Variants in CNBD1 observed in about 807,000 individuals in gnomAD.
CNBD1 encodes the protein cyclic nucleotide-binding domain-containing protein 1.
Under a neutral mutation model 54.4 loss-of-function variants are expected in CNBD1, and 71 were observed. That is an observed-to-expected ratio of 1.30 (90% confidence interval 1.08 to 1.59). The LOEUF (loss-of-function observed/expected upper bound fraction) is 1.59. CNBD1 is among the 40% of genes most tolerant of loss of function. The pLI, the probability that CNBD1 is intolerant of heterozygous loss-of-function variation, is 0.00. For missense variants in CNBD1, 659 were observed against 518.0 expected (o/e 1.27, Z -2.64); for synonymous variants, 182 against 170.7 (o/e 1.07, Z -0.51).
At chr8:87,256,011 A>C (rs1398706134) in intron 6 of CNBD1, among the ~76,000 whole-genome samples, 1 of 19,258 alleles carries the variant, frequency 5.2e-5, no homozygotes, top group Non-Finnish European at 8.0e-5. Flanking sequence ...ATATATATAT[A>C]TATATTTTTT....
intron 2 of CNBD1, 84 bp from the exon 3 acceptor site, chr8:86,904,997 T>C: frequency 1.6e-6 from 1 of 640,482 alleles, no homozygotes. Flanking sequence ...ATAGAATTGA[T>C]ACGTATATAT....
intron 4 of CNBD1, among the ~76,000 whole-genome samples, chr8:87,042,908 A>G (rs1016533022): frequency 6.6e-6 from 1 of 152,200 alleles, no homozygotes; most frequent in Admixed American, 6.5e-5. Context: ...TATAATGCAC[A>G]TAAATACACT....
intron 4 of CNBD1, among the ~76,000 whole-genome samples, chr8:87,141,774 A>C (rs1812374982): frequency 6.6e-6 from 1 of 152,236 alleles, no homozygotes. Context: ...AGCACTCATA[A>C]AAGTTTTCAT....
At chr8:86,993,151 T>C (rs1235954991) in intron 4 of CNBD1, among the ~76,000 whole-genome samples, 2 of 152,160 alleles carry the variant, frequency 1.3e-5, no homozygotes, top group Admixed American at 6.5e-5. Flanking sequence ...TTATTCATTT[T>C]TTAAAATTGT....
chr8:87,264,367 A>G (rs1018503419), intron 6 of CNBD1, among the ~76,000 whole-genome samples: 52 of 152,228 alleles, frequency 3.4e-4, no homozygotes, highest in African/African-American at 1.1e-3. Flanking sequence ...CATGGTGTAT[A>G]TGTGCCACAT....
At chr8:87,083,779 A>G (rs1041706805) in intron 4 of CNBD1, among the ~76,000 whole-genome samples, 2 of 151,812 alleles carry the variant, frequency 1.3e-5, no homozygotes, top group African/African-American at 4.8e-5. Context: ...TAGTAGAGAC[A>G]GGGTTTTACC....
chr8:86,918,793 T>C, intron 3 of CNBD1, among the ~76,000 whole-genome samples: 1 of 120,688 alleles, frequency 8.3e-6, no homozygotes, highest in East Asian at 2.7e-4. Context: ...ACATGCTATC[T>C]TTCTTTAAAA....
At chr8:87,217,144 A>G (rs949229194) in intron 5 of CNBD1, among the ~76,000 whole-genome samples, 1 of 152,194 alleles carries the variant, frequency 6.6e-6, no homozygotes, top group African/African-American at 2.4e-5. Flanking sequence ...AAGAGAGTGA[A>G]GATGATTTTT....
At chr8:87,176,547 A>C (rs2130773462) in intron 4 of CNBD1, among the ~76,000 whole-genome samples, 1 of 150,484 alleles carries the variant, frequency 6.6e-6, no homozygotes, top group Admixed American at 6.6e-5. Context: ...GCAGTGGCAC[A>C]ATCTCGGCTC....
intron 2 of CNBD1, among the ~76,000 whole-genome samples, chr8:87,423,175 G>A (rs1042408859): frequency 6.6e-6 from 1 of 152,120 alleles, no homozygotes; most frequent in Non-Finnish European, 1.5e-5. Context: ...GAGATTTTGG[G>A]CTGAGACGAT....
rs575320868 is a variant in CNBD1, at chr8:87,353,643, C to T, written c.1160C>T (p.Ser387Phe). Reference sequence around the variant, plus strand: ...AATATATTTTTTTAACAGAAAAGATCTCAAAAACTTGTTTATATGGGGAAA... The same window carrying T: ...AATATATTTTTTTAACAGAAAAGATTTCAAAAACTTGTTTATATGGGGAAA... The part of the protein sequence containing the change: ...VKLRSNKVKR[S>F]QKLVYMGKLK... Residue 387 changes from serine to phenylalanine, a missense_variant, in exon 10 of 11, where the codon TCT (serine) becomes TTT (phenylalanine). Coordinates refer to ENST00000518476, the MANE Select transcript of CNBD1 (RefSeq NM_173538.3). 1 of 1,575,214 alleles carries T rather than the reference C, an allele frequency of 6.3e-7. No individual in the cohort carries two copies. The highest frequency in any genetic ancestry group is 1.4e-5 in the African/African-American group (1 of 73,200).
At chr8:87,305,996 A>C (rs569593265) in intron 8 of CNBD1, among the ~76,000 whole-genome samples, 1 of 152,334 alleles carries the variant, frequency 6.6e-6, no homozygotes, top group South Asian at 2.1e-4. Flanking sequence ...AAATCTTCAC[A>C]ATCTATGCAT....
intron 10 of CNBD1, among the ~76,000 whole-genome samples, chr8:87,381,788 C>A (rs1006427699): frequency 4.0e-5 from 6 of 151,826 alleles, no homozygotes; most frequent in African/African-American, 1.2e-4. Context: ...TACGAGGTAT[C>A]TAAAATCGTC....
intron 10 of CNBD1, among the ~76,000 whole-genome samples, chr8:87,369,173 C>T (rs537007621): frequency 1.3e-5 from 2 of 151,944 alleles, no homozygotes; most frequent in African/African-American, 2.4e-5. Flanking sequence ...TAATAATGGC[C>T]TTCAATGTTC....
intron 2 of CNBD1, among the ~76,000 whole-genome samples, chr8:87,415,454 T>G (rs905958043): frequency 1.3e-5 from 2 of 152,044 alleles, no homozygotes; most frequent in African/African-American, 4.8e-5. Flanking sequence ...CTGGTGAAAT[T>G]TCAAGTGTCC....
At chr8:86,992,973 T>C (rs975024850) in intron 4 of CNBD1, among the ~76,000 whole-genome samples, 1 of 152,164 alleles carries the variant, frequency 6.6e-6, no homozygotes, top group Non-Finnish European at 1.5e-5. Context: ...AGGTTCTCTG[T>C]ATTTCTTGAA....
Position 86,981,182 on chromosome 8 carries a change from C to T in CNBD1, c.431+41428C>T, listed in dbSNP as rs115632905. ...GTGTGTGTGTGTGTCTGTGTGCGTG[C>T]GCGCGCGCATTGTGTACTCACACAC... is the stretch of plus-strand genomic sequence containing the variant. On this transcript the variant is annotated intron_variant, in intron 4 of 10. Coordinates refer to ENST00000518476, the MANE Select transcript of CNBD1 (RefSeq NM_173538.3). Among the ~76,000 whole-genome samples the T allele has an allele frequency of 8.6e-3, 1,303 of 152,210 alleles. 13 individuals are homozygous for T. Among genetic ancestry groups the T allele is most frequent in the African/African-American group, 0.027 (1,126 of 41,544 alleles).
At chr8:87,076,283 C>G (rs1440672278) in intron 4 of CNBD1, among the ~76,000 whole-genome samples, 3 of 152,114 alleles carry the variant, frequency 2.0e-5, no homozygotes, top group African/African-American at 7.2e-5. Flanking sequence ...TAATCACAAC[C>G]TATATCTGGA....
At chr8:87,076,730 C>A (rs543913596) in intron 4 of CNBD1, among the ~76,000 whole-genome samples, 1 of 151,694 alleles carries the variant, frequency 6.6e-6, no homozygotes, top group East Asian at 1.9e-4. Context: ...GCGTGAGCCA[C>A]CACACCCGGC....
Sources: allele counts gnomAD v4.1 joint callset (sites outside exome capture counted in the v4.1 genomes callset), GRCh38; gene constraint gnomAD v4.1.1; transcripts MANE v1.5; gene names NCBI Gene and HGNC (gene_info 2026-07-23, HGNC 2026-07-21).